Variants in TENM3 observed in about 807,000 individuals in gnomAD.
TENM3 encodes the protein teneurin-3.
In TENM3, 63 loss-of-function variants were observed where a neutral mutation model predicts 255.1. That is an observed-to-expected ratio of 0.25 (90% CI 0.20 to 0.30). The LOEUF (loss-of-function observed/expected upper bound fraction) is 0.30, where lower values mean the gene tolerates loss of function less well. Ranked by LOEUF, TENM3 falls within the 10% of genes least tolerant of loss-of-function variation. The pLI is 1.00. For synonymous variants in TENM3, 1,306 were observed against 1,322.3 expected, an observed-to-expected ratio of 0.99 and a Z score of 0.27; for missense variants, 2,929 against 3,461.1, an observed-to-expected ratio of 0.85 and a Z score of 3.86.
the TENM3 span, among the ~76,000 whole-genome samples, chr4:181,778,717 A>C: frequency 6.6e-6 from 1 of 152,196 alleles, no homozygotes; most frequent in Admixed American, 6.6e-5. Flanking sequence ...TTCTCACTAA[A>C]AAGAAATATC....
At chr4:182,190,330 CTG>C (rs1290312964) in intron 1 of TENM3, 1 of 152,138 alleles carries the variant, frequency 6.6e-6, no homozygotes, top group Non-Finnish European at 1.5e-5. Flanking sequence ...CTACAGAAAA[CTG>C]TGTGTAAAAA....
intron 3 of TENM3, among the ~76,000 whole-genome samples, chr4:182,571,605 G>A (rs1744383588): frequency 6.6e-6 from 1 of 152,148 alleles, no homozygotes; most frequent in Non-Finnish European, 1.5e-5. Context: ...CTTTTAAAAT[G>A]TGAAAGATAT....
chr4:181,850,380 T>C, the TENM3 span, among the ~76,000 whole-genome samples: 1 of 152,116 alleles, frequency 6.6e-6, no homozygotes, highest in Non-Finnish European at 1.5e-5. Flanking sequence ...CATTTTTGTA[T>C]CAAATTTGTC....
At chr4:181,959,923 A>G in the TENM3 span, among the ~76,000 whole-genome samples, 1 of 152,204 alleles carries the variant, frequency 6.6e-6, no homozygotes, top group Non-Finnish European at 1.5e-5. Context: ...GAAGCAACTA[A>G]TGTTTACATC....
intron 22 of TENM3, among the ~76,000 whole-genome samples, chr4:182,757,960 T>A (rs960625562): frequency 4.6e-5 from 7 of 152,092 alleles, no homozygotes; most frequent in African/African-American, 1.7e-4. Context: ...TTACAAAATA[T>A]CACCCTCACA....
At chr4:181,658,182 G>A in the TENM3 span, among the ~76,000 whole-genome samples, 1 of 152,132 alleles carries the variant, frequency 6.6e-6, no homozygotes, top group Non-Finnish European at 1.5e-5. Flanking sequence ...AAATACATGA[G>A]AAGGTCACTA....
At chr4:182,604,313 CCTT>C (rs1378473532) in intron 4 of TENM3, among the ~76,000 whole-genome samples, 1 of 152,176 alleles carries the variant, frequency 6.6e-6, no homozygotes, top group Non-Finnish European at 1.5e-5. Flanking sequence ...ATAAGCATCT[CCTT>C]ATTATGTCAT....
At chr4:182,450,406 T>A (rs1228599111) in intron 3 of TENM3, among the ~76,000 whole-genome samples, 1 of 152,118 alleles carries the variant, frequency 6.6e-6, no homozygotes, top group Non-Finnish European at 1.5e-5. Context: ...TGTTTTTGTT[T>A]TTTTTTTCCA....
At chr4:181,815,261 G>A in the TENM3 span, among the ~76,000 whole-genome samples, 1 of 151,390 alleles carries the variant, frequency 6.6e-6, no homozygotes, top group East Asian at 1.9e-4. Context: ...AGACCAGCCT[G>A]GCCAACATGG....
At chr4:181,491,748 T>C in the TENM3 span, among the ~76,000 whole-genome samples, 1 of 152,082 alleles carries the variant, frequency 6.6e-6, no homozygotes, top group Non-Finnish European at 1.5e-5. Context: ...AATACATTAT[T>C]CTATGTATGA....
chr4:182,787,965 A>ATGATAGAATGATAGAATAATAAAAC (rs1336086079), intron 24 of TENM3, among the ~76,000 whole-genome samples: 4 of 152,270 alleles, frequency 2.6e-5, no homozygotes, highest in Non-Finnish European at 5.9e-5. Flanking sequence ...GAATGATAGA[A>ATGATAGAATGATAGAATAATAAAAC]TGCAAAAGGC....
chr4:182,797,439 C>CAA (rs573944370), intron 27 of TENM3, among the ~76,000 whole-genome samples: 20,703 of 145,400 alleles, frequency 0.14, 1,489 homozygotes, highest in East Asian at 0.2. Flanking sequence ...AACTCCGTCT[C>CAA]AAAAAAAAAA....
At chr4:181,454,082 C>A in the TENM3 span, among the ~76,000 whole-genome samples, 1 of 152,218 alleles carries the variant, frequency 6.6e-6, no homozygotes, top group East Asian at 1.9e-4. Context: ...TTACCTGTTG[C>A]ATATTAAGTA....
upstream of TENM3, among the ~76,000 whole-genome samples, chr4:182,241,491 G>A (rs1022449922): frequency 1.4e-5 from 2 of 146,108 alleles, no homozygotes; most frequent in African/African-American, 2.6e-5. Flanking sequence ...ATCTTCAGTC[G>A]CTTCCTTTTC....
intron 3 of TENM3, among the ~76,000 whole-genome samples, chr4:182,385,782 C>A (rs1767880057): frequency 6.6e-6 from 1 of 152,134 alleles, no homozygotes; most frequent in South Asian, 2.1e-4. Flanking sequence ...TTGAGAATTT[C>A]TTAAAACTAC....
At chr4:182,011,365 TTG>T in the TENM3 span, among the ~76,000 whole-genome samples, 39 of 152,300 alleles carry the variant, frequency 2.6e-4, no homozygotes, top group Middle Eastern at 3.4e-3. Context: ...CCAGATCCAC[TTG>T]ATTTTACTTC....
At chr4:182,762,161 T>C (rs1184737845) in intron 22 of TENM3, among the ~76,000 whole-genome samples, 5 of 152,246 alleles carry the variant, frequency 3.3e-5, no homozygotes, top group African/African-American at 9.6e-5. Context: ...GTTCATCGGC[T>C]GTGTCCCTGG....
chr4:182,661,477 T>A (rs1344872855), intron 6 of TENM3, among the ~76,000 whole-genome samples: 2 of 152,164 alleles, frequency 1.3e-5, no homozygotes, highest in Admixed American at 6.5e-5. Context: ...GCACTGAGTT[T>A]TGTTCAATAG....
the TENM3 span, among the ~76,000 whole-genome samples, chr4:181,854,315 G>A: frequency 6.6e-6 from 1 of 152,144 alleles, no homozygotes; most frequent in Non-Finnish European, 1.5e-5. Flanking sequence ...TTCATCTGCT[G>A]TTCATGAATG....
Sources: gnomAD v4.1 joint callset for allele counts (sites outside exome capture counted in the v4.1 genomes callset) on GRCh38, gnomAD v4.1.1 for gene constraint, MANE v1.5 for transcripts, NCBI Gene and HGNC (gene_info 2026-07-23, HGNC 2026-07-21) for gene names.